FBXO11: variants seen among roughly 807,000 people sequenced by gnomAD.
The protein encoded by FBXO11 is F-box only protein 11.
A neutral mutation model predicts 117.0 loss-of-function variants in FBXO11; 13 were observed. The observed-to-expected ratio is 0.11, with a 90% confidence interval of 0.07 to 0.18. The LOEUF (loss-of-function observed/expected upper bound fraction) is 0.18, where lower values mean the gene tolerates loss of function less well. FBXO11 is among the 10% of genes least tolerant of loss of function. The pLI is 1.00. For synonymous variants in FBXO11, 490 were observed against 380.5 expected, an observed-to-expected ratio of 1.29 and a Z score of -3.35; for missense variants, 767 against 1,164.4, an observed-to-expected ratio of 0.66 and a Z score of 4.97.
Position 47,839,014 on chromosome 2 carries a change from A to T in FBXO11, c.443-11T>A. On this transcript the variant is annotated splice_polypyrimidine_tract_variant and intron_variant, in intron 3 of 22. Coordinates refer to ENST00000403359, the MANE Select transcript of FBXO11 (RefSeq NM_001190274.2). ...GTTCAGCAGGTGCTGCTATAAAGAG[A>T]TTAACATATAAACTATCATTCGAGC... The T allele has an allele frequency of 1.2e-6, 2 of 1,603,274 alleles. No homozygotes were observed. The highest frequency in any genetic ancestry group is 1.7e-6 in the Non-Finnish European group (2 of 1,175,210).
intron 4 of FBXO11, chr2:47,836,928 A>G: frequency 5.3e-6 from 2 of 377,930 alleles, no homozygotes; most frequent in Admixed American, 3.4e-5. Flanking sequence ...TGTAGAAATG[A>G]GGTCCCAGTA....
intron 4 of FBXO11, among the ~76,000 whole-genome samples, chr2:47,837,808 G>T (rs1302754264): frequency 6.6e-6 from 1 of 152,032 alleles, no homozygotes; most frequent in Non-Finnish European, 1.5e-5. Flanking sequence ...ACGGCTTTCT[G>T]CAGCCTTGAC....
chr2:47,847,897 G>C (rs1489725920), intron 1 of FBXO11, among the ~76,000 whole-genome samples: 1 of 152,038 alleles, frequency 6.6e-6, no homozygotes, highest in Admixed American at 6.6e-5. Context: ...GGCTGAGGCG[G>C]GTGGATCATG....
intron 1 of FBXO11, among the ~76,000 whole-genome samples, chr2:47,897,365 G>C (rs12620679): frequency 0.31 from 47,128 of 152,064 alleles, 8,363 homozygotes; most frequent in East Asian, 0.63. Flanking sequence ...CAATATCAAA[G>C]GTTAAACCCA....
chr2:47,818,197 G>C (rs1671142134), intron 16 of FBXO11, among the ~76,000 whole-genome samples: 1 of 152,178 alleles, frequency 6.6e-6, no homozygotes, highest in Admixed American at 6.5e-5. Flanking sequence ...GAGACAGGAA[G>C]TGAGCACATG....
At chr2:47,858,716 A>G (rs1169212607) in intron 1 of FBXO11, among the ~76,000 whole-genome samples, 1 of 151,148 alleles carries the variant, frequency 6.6e-6, no homozygotes, top group East Asian at 1.9e-4. Context: ...GAAAAATGAA[A>G]AACATAATAC....
At chr2:47,896,321 G>C (rs1300180185) in intron 1 of FBXO11, among the ~76,000 whole-genome samples, 1 of 142,100 alleles carries the variant, frequency 7.0e-6, no homozygotes, top group African/African-American at 2.5e-5. Flanking sequence ...TCTCCAAATT[G>C]TTTCTTTTCT....
chr2:47,871,236 T>C (rs1445901775), intron 1 of FBXO11, among the ~76,000 whole-genome samples: 2 of 152,174 alleles, frequency 1.3e-5, no homozygotes, highest in African/African-American at 2.4e-5. Flanking sequence ...AGACGCTTTA[T>C]GAATCCACTC....
intron 19 of FBXO11, chr2:47,809,955 G>A: frequency 2.0e-6 from 1 of 495,224 alleles, no homozygotes; most frequent in Non-Finnish European, 3.6e-6. Flanking sequence ...CATGATACTT[G>A]GATTTCATTT....
At chr2:47,892,398 T>C (rs1314613453) in intron 1 of FBXO11, among the ~76,000 whole-genome samples, 1 of 152,250 alleles carries the variant, frequency 6.6e-6, no homozygotes, top group Non-Finnish European at 1.5e-5. Flanking sequence ...CTGATTGGTA[T>C]GTAACACTTT....
intron 1 of FBXO11, among the ~76,000 whole-genome samples, chr2:47,848,369 G>A (rs1242038213): frequency 2.6e-5 from 4 of 152,074 alleles, no homozygotes; most frequent in Admixed American, 6.6e-5. Flanking sequence ...CACATGCGAG[G>A]GATCTAGGTT....
At chr2:47,821,478 C>T (rs1014427619) in intron 13 of FBXO11, among the ~76,000 whole-genome samples, 5 of 152,042 alleles carry the variant, frequency 3.3e-5, no homozygotes, top group Admixed American at 1.3e-4. Context: ...GGCGTGGTGG[C>T]GGGCGCCTGT....
intron 13 of FBXO11, among the ~76,000 whole-genome samples, chr2:47,821,565 G>T (rs1188081511): frequency 2.0e-5 from 3 of 151,344 alleles, no homozygotes; most frequent in Non-Finnish European, 4.4e-5. Flanking sequence ...AGCCGAGATT[G>T]CGCCACTGCA....
chr2:47,860,017 C>T (rs1461481964), intron 1 of FBXO11, among the ~76,000 whole-genome samples: 1 of 152,104 alleles, frequency 6.6e-6, no homozygotes, highest in Non-Finnish European at 1.5e-5. Flanking sequence ...CTATAAAATC[C>T]TCTCTTCTCT....
Position 47,808,077 on chromosome 2 carries a change from A to G in FBXO11, c.*41T>C. 6.5e-7 allele frequency: 1 copy of G among 1,539,356 alleles called. No homozygotes were observed. The highest frequency in any genetic ancestry group is 1.2e-5 in the South Asian group (1 of 86,316). On this transcript the variant is annotated 3_prime_UTR_variant, in exon 23 of 23. Coordinates refer to ENST00000403359, the MANE Select transcript of FBXO11 (RefSeq NM_001190274.2). ...TTCTTCCAAAAAAGTGTTTTAAGTT[A>G]TGATGTTACAATGGCAGGACTTTTT...
At chr2:47,853,047 A>G (rs1430138943) in intron 1 of FBXO11, among the ~76,000 whole-genome samples, 2 of 152,150 alleles carry the variant, frequency 1.3e-5, no homozygotes, top group African/African-American at 4.8e-5. Context: ...ACAGGACATA[A>G]ACCTTTTGGA....
chr2:47,839,350 A>AT, intron 3 of FBXO11, 69 bp downstream of exon 3: 1 of 1,409,628 alleles, frequency 7.1e-7, no homozygotes, highest in East Asian at 2.3e-5. Context: ...CTTAATTTTC[A>AT]TTTTTTGGTA....
chr2:47,825,648 C>T (rs1671697953), intron 11 of FBXO11, among the ~76,000 whole-genome samples: 1 of 145,412 alleles, frequency 6.9e-6, no homozygotes, highest in South Asian at 2.3e-4. Context: ...GGTGCAATCA[C>T]TCACTGAAGC....
rs781477939 is a variant in FBXO11 at position 47,839,036 on chromosome 2, G to A, written c.443-33C>T. On this transcript the variant is annotated intron_variant, in intron 3 of 22. Coordinates refer to ENST00000403359, the MANE Select transcript of FBXO11 (RefSeq NM_001190274.2). ...GAGATTAACATATAAACTATCATTC[G>A]AGCAATAACTTTCTCATTATTTAAA... The A allele has an allele frequency of 2.6e-6, 4 of 1,565,508 alleles. 1 individual carries two copies. Among genetic ancestry groups the A allele is most frequent in the South Asian group, 2.4e-5 (2 of 81,846 alleles).
Sources: allele counts gnomAD v4.1 joint callset (sites outside exome capture counted in the v4.1 genomes callset), GRCh38; gene constraint gnomAD v4.1.1; transcripts MANE v1.5; gene names NCBI Gene and HGNC (gene_info 2026-07-23, HGNC 2026-07-21).